The following BCL9 variants were observed in gnomAD, a reference collection of about 807,000 sequenced individuals.
The protein encoded by BCL9 is BCL9 transcription coactivator.
BCL9 carries 25 observed loss-of-function variants against 88.5 expected under a neutral mutation model. The observed-to-expected ratio is 0.28, with a 90% confidence interval of 0.21 to 0.39. The LOEUF (loss-of-function observed/expected upper bound fraction) is 0.39, where lower values mean the gene tolerates loss of function less well. Ranked by LOEUF, BCL9 falls within the 10% of genes least tolerant of loss-of-function variation. The pLI, the probability that BCL9 is intolerant of heterozygous loss-of-function variation, is 1.00. For missense variants in BCL9, 1,817 were observed against 1,877.8 expected (o/e 0.97, Z 0.60); for synonymous variants, 711 against 673.3 (o/e 1.06, Z -0.87).
chr1:147,546,929 G>A (rs1654629671), intron 1 of BCL9, among the ~76,000 whole-genome samples: 1 of 152,086 alleles, frequency 6.6e-6, no homozygotes, highest in Non-Finnish European at 1.5e-5. Context: ...GTATAAGTAT[G>A]AATTTAAAAT....
chr1:147,543,783 A>C (rs781945587), intron 1 of BCL9, among the ~76,000 whole-genome samples: 5 of 152,168 alleles, frequency 3.3e-5, no homozygotes, highest in African/African-American at 7.2e-5. Flanking sequence ...GGTAACATCT[A>C]GACCACACCC....
At position 147,619,272 on chromosome 1, in the gene BCL9, C is replaced by T; in HGVS notation, c.1117C>T (p.Leu373Phe). 6.2e-7 allele frequency: 1 copy of T among 1,614,176 alleles called. No homozygotes were observed. The highest frequency in any genetic ancestry group is 8.5e-7 in the Non-Finnish European group (1 of 1,180,042). ...LQTLRDIQRM[L>F]FPDEKEFTGA... Reference sequence around the variant, plus strand: ...AACTCTCAGAGATATCCAGCGCATGCTTTTTCCTGATGAGAAAGAATTCAC... The same window carrying T: ...AACTCTCAGAGATATCCAGCGCATGTTTTTTCCTGATGAGAAAGAATTCAC... The change falls in exon 8 of 10, where the codon CTT becomes TTT. Residue 373 changes from leucine (L) to phenylalanine (F), a missense_variant. This residue lies in a region of BCL9 where 1,228 missense variants were observed against 1,191.6 expected (regional missense o/e 1.03). Coordinates refer to ENST00000234739, the MANE Select transcript of BCL9 (RefSeq NM_004326.4). The surrounding 1 kb of genome is among the most constrained non-coding windows in gnomAD (Gnocchi z 4.1).
chr1:147,560,158 G>A (rs1341249615), intron 1 of BCL9, among the ~76,000 whole-genome samples: 9 of 152,210 alleles, frequency 5.9e-5, no homozygotes, highest in African/African-American at 2.2e-4. Context: ...TAGGCAAGGT[G>A]TGTGGGATAG....
At chr1:147,560,082 A>G (rs1553195907) in intron 1 of BCL9, among the ~76,000 whole-genome samples, 1 of 152,214 alleles carries the variant, frequency 6.6e-6, no homozygotes, top group Non-Finnish European at 1.5e-5. Flanking sequence ...AGAACAGAAA[A>G]AGAATGTAAA....
At chr1:147,602,211 A>AAT (rs1657429329) in intron 1 of BCL9, among the ~76,000 whole-genome samples, 1 of 5,640 alleles carries the variant, frequency 1.8e-4, no homozygotes, top group African/African-American at 6.9e-4. Flanking sequence ...TAGAAGAGAA[A>AAT]TTTTTTTTTT....
At chr1:147,612,759 A>C (rs1186587152) in intron 4 of BCL9, 124 bp from the exon 5 acceptor site, 1 of 917,734 alleles carries the variant, frequency 1.1e-6, no homozygotes, top group African/African-American at 1.7e-5. Flanking sequence ...GCTGAGGTGA[A>C]TCATGGGGTG....
At chr1:147,588,262 C>T (rs1380096224) in intron 1 of BCL9, among the ~76,000 whole-genome samples, 1 of 152,082 alleles carries the variant, frequency 6.6e-6, no homozygotes, top group Admixed American at 6.5e-5. Context: ...GTTTCCGTTG[C>T]GGACCCAGGG....
chr1:147,579,039 T>C (rs1426418437), intron 1 of BCL9, among the ~76,000 whole-genome samples: 7 of 152,138 alleles, frequency 4.6e-5, no homozygotes, highest in Non-Finnish European at 8.8e-5. Context: ...TTAATTTTTG[T>C]ACTTTTAGTA....
At position 147,620,842 on chromosome 1, in the gene BCL9, T is replaced by C. The variant is rs140389189; in HGVS notation, c.2687T>C (p.Leu896Pro). Residue 896 changes from leucine (L) to proline (P), a missense_variant, in exon 8 of 10, where the codon CTG (leucine) becomes CCG (proline). Leu to Pro is a moderately conservative substitution (Grantham distance 98, BLOSUM62 -3). Transcript: ENST00000234739. The stretch of plus-strand genomic sequence containing the variant: ...ACTCCATCGCAGCTGGCAGGCATGC[T>C]GGCGGGCCCAGCTGCTGCTGCTTCC... ...PQTPSQLAGM[L>P]AGPAAAASIK... 73 of 1,614,012 alleles carry C rather than the reference T, an allele frequency of 4.5e-5. No individual in the cohort carries two copies. The African/African-American group carries it at 8.9e-4, about 20-fold the overall frequency.
At chr1:147,543,510 G>A (rs1201089186) in intron 1 of BCL9, among the ~76,000 whole-genome samples, 1 of 152,168 alleles carries the variant, frequency 6.6e-6, no homozygotes, top group Non-Finnish European at 1.5e-5. Flanking sequence ...CTGGCAAGAA[G>A]GTCCCCCTAC....
At chr1:147,589,746 T>G (rs1656769597) in intron 1 of BCL9, among the ~76,000 whole-genome samples, 1 of 152,254 alleles carries the variant, frequency 6.6e-6, no homozygotes, top group South Asian at 2.1e-4. Flanking sequence ...TTGATGGACA[T>G]TCAGATTGAT....
At chr1:147,552,804 T>G (rs1305944064) in intron 1 of BCL9, among the ~76,000 whole-genome samples, 1 of 152,148 alleles carries the variant, frequency 6.6e-6, no homozygotes, top group African/African-American at 2.4e-5. Context: ...CTTTCTAGGT[T>G]TGGGTTCTAG....
Position 147,620,937 on chromosome 1 carries a change from G to A in BCL9, c.2782G>A (p.Ala928Thr). ...CCACCTCAAGTCTCCATCACTTCCT[G>A]CCCCGTCACCTGGATGGACCTCTTC... is the stretch of plus-strand genomic sequence containing the variant. ...PVHLKSPSLP[A>T]PSPGWTSSPK... The change falls in exon 8 of 10, where the codon GCC becomes ACC. Residue 928 changes from alanine to threonine, a missense_variant. Physicochemically the swap from Ala to Thr is moderately conservative, Grantham distance 58. This residue lies in a region of BCL9 where 589 missense variants were observed against 686.2 expected (regional missense o/e 0.86). Coordinates refer to ENST00000234739, the MANE Select transcript of BCL9 (RefSeq NM_004326.4). 6.2e-7 allele frequency: 1 copy of A among 1,614,120 alleles called. No individual in the cohort carries two copies. Among genetic ancestry groups the A allele is most frequent in the Non-Finnish European group, 8.5e-7 (1 of 1,180,030 alleles).
intron 1 of BCL9, among the ~76,000 whole-genome samples, chr1:147,583,242 A>C (rs1239336101): frequency 6.6e-6 from 1 of 152,060 alleles, no homozygotes; most frequent in Non-Finnish European, 1.5e-5. Flanking sequence ...TTTTGCTTTT[A>C]TTAGACTGTT....
intron 1 of BCL9, among the ~76,000 whole-genome samples, chr1:147,596,463 G>T (rs1207060253): frequency 2.3e-5 from 3 of 130,404 alleles, no homozygotes; most frequent in Non-Finnish European, 3.1e-5. Flanking sequence ...GCCCAGGCTG[G>T]AGTGCAGTGG....
intron 3 of BCL9, among the ~76,000 whole-genome samples, chr1:147,610,052 C>T (rs988612993): frequency 2.6e-5 from 4 of 151,762 alleles, no homozygotes; most frequent in African/African-American, 9.7e-5. Context: ...TGGCTTTGTC[C>T]ATGCAGGATT....
intron 8 of BCL9, among the ~76,000 whole-genome samples, chr1:147,621,471 C>G (rs1437599285): frequency 1.3e-5 from 2 of 152,138 alleles, no homozygotes; most frequent in African/African-American, 4.8e-5. Flanking sequence ...TGCTGTAAGA[C>G]TTGTGTGGTT....
intron 1 of BCL9, among the ~76,000 whole-genome samples, chr1:147,565,858 G>A (rs969718098): frequency 2.2e-4 from 33 of 151,958 alleles, no homozygotes; most frequent in African/African-American, 8.0e-4. Context: ...TAGGTGCTTG[G>A]TAGGTGATTA....
At position 147,605,728 on chromosome 1, in the gene BCL9, C is replaced by T. The variant is rs587689707; in HGVS notation, c.-343+817C>T. Reference sequence around the variant, plus strand: ...TTGTGTACTTTTTCTGAGAGGAAGCCTTTTAGTAGTCGGTATGCCAGAAGT... The same window carrying T: ...TTGTGTACTTTTTCTGAGAGGAAGCTTTTTAGTAGTCGGTATGCCAGAAGT... On this transcript the variant is annotated intron_variant, in intron 2 of 9. Coordinates refer to ENST00000234739, the MANE Select transcript of BCL9 (RefSeq NM_004326.4). 1.1e-4 allele frequency among the ~76,000 whole-genome samples: 17 copies of T among 152,206 alleles called. No homozygotes were observed. The East Asian group carries it at 3.3e-3, about 29-fold the overall frequency.
Sources: allele counts gnomAD v4.1 joint callset (sites outside exome capture counted in the v4.1 genomes callset), GRCh38; gene constraint gnomAD v4.1.1; regional missense constraint gnomAD v4.1.1; non-coding constraint Gnocchi (gnomAD v3.1); transcripts MANE v1.5; gene names NCBI Gene and HGNC (gene_info 2026-07-23, HGNC 2026-07-21).